Variants in ISM2 observed in about 807,000 individuals in gnomAD.
The protein encoded by ISM2 is isthmin-2.
In ISM2, 50 loss-of-function variants were observed where a neutral mutation model predicts 58.0. The ratio of observed to expected loss-of-function variants is 0.86; its 90% CI spans 0.69 to 1.09. ISM2 has a LOEUF of 1.09. Ranked by LOEUF, ISM2 falls within the 50% of genes least tolerant of loss-of-function variation. The pLI is 0.00. For synonymous variants in ISM2, 303 were observed against 312.4 expected (o/e 0.97, Z 0.32); for missense variants, 723 against 745.0 (o/e 0.97, Z 0.34).
intron 1 of ISM2, among the ~76,000 whole-genome samples, chr14:77,492,725 C>T (rs12437312): frequency 0.069 from 10,420 of 152,032 alleles, 534 homozygotes; most frequent in Admixed American, 0.16. Flanking sequence ...AAGACAGGAT[C>T]GGCCAGACAT....
At chr14:77,481,412 T>G (rs979746663) in intron 4 of ISM2, among the ~76,000 whole-genome samples, 1 of 152,220 alleles carries the variant, frequency 6.6e-6, no homozygotes, top group Non-Finnish European at 1.5e-5. Flanking sequence ...CTGAACAGTT[T>G]GTGCTGCTGT....
chr14:77,490,032 T>G (rs955276618), intron 1 of ISM2, among the ~76,000 whole-genome samples: 8 of 152,146 alleles, frequency 5.3e-5, no homozygotes, highest in Admixed American at 2.6e-4. Context: ...CCCAGCTAAT[T>G]TTTTGTATTT....
At position 77,475,442 on chromosome 14, in the gene ISM2, G is replaced by A. The variant is rs1197259580; in HGVS notation, c.*153C>T. 1.0e-5 allele frequency: 7 copies of A among 687,852 alleles called. No individual in the cohort carries two copies. Among genetic ancestry groups the A allele is most frequent in the South Asian group, 4.4e-5 (2 of 45,718 alleles). The allele number at this position is 687,852 out of a possible 1,614,324, so 42.6% of individuals were successfully genotyped here. On this transcript the variant is annotated 3_prime_UTR_variant, in exon 7 of 7. Coordinates refer to ENST00000342219, the MANE Select transcript of ISM2 (RefSeq NM_199296.3). The surrounding 1 kb of genome is among the most constrained non-coding windows in gnomAD (Gnocchi z 4.1). ...ACCCCACTGAGATATCTGCTTCGGGGTCGCTGGCAGAGGGCACACAGCCTC... is the reference window on the plus strand; with the variant it reads ...ACCCCACTGAGATATCTGCTTCGGGATCGCTGGCAGAGGGCACACAGCCTC...
rs11847662 is a variant in ISM2 at position 77,489,324 on chromosome 14, C to G, written c.142-4405G>C. Among the ~76,000 whole-genome samples, 5 of 152,196 alleles carry G rather than the reference C, an allele frequency of 3.3e-5. No individual in the cohort carries two copies. The South Asian group carries it at 1.0e-3, about 32-fold the overall frequency. On this transcript the variant is annotated intron_variant, in intron 1 of 6. Transcript: ENST00000342219. ...CAACCACACAGAGCCAGGCTGCACA[C>G]TAAGTCATGCTGGTGGGAGGTGCTG...
At chr14:77,498,289 C>T (rs1052378283) in intron 1 of ISM2, 6 of 1,330,624 alleles carry the variant, frequency 4.5e-6, no homozygotes, top group Non-Finnish European at 5.9e-6. Flanking sequence ...CTCGCACCGG[C>T]GGGACTCCTC....
chr14:77,488,298 T>C (rs1233875862), intron 1 of ISM2, among the ~76,000 whole-genome samples: 1 of 152,100 alleles, frequency 6.6e-6, no homozygotes, highest in Non-Finnish European at 1.5e-5. Context: ...CTATGGAGGC[T>C]CAGGGAGGGT....
In ISM2 at chr14:77,475,103, A is replaced by G. The variant is rs741851; in HGVS notation, c.*492T>C. The G allele has an allele frequency of 0.83, 125,651 of 150,752 alleles. 52,576 individuals carry two copies. The highest frequency in any genetic ancestry group is 0.99 in the East Asian group (5,103 of 5,178). The allele number at this position is 150,752 out of a possible 1,614,324, so 9.3% of individuals were successfully genotyped here. A position where few individuals can be genotyped will look rare whatever the true frequency, so the allele number is the denominator to read the frequency against. ...CAGAGATAAGGAGGGGTGGCCACCC[A>G]GGCTGGATGCCCCCCCCGGCAAAGG... is the stretch of plus-strand genomic sequence containing the variant. On this transcript the variant is annotated 3_prime_UTR_variant, in exon 7 of 7. Coordinates refer to ENST00000342219, the MANE Select transcript of ISM2 (RefSeq NM_199296.3). The surrounding 1 kb of genome is among the most constrained non-coding windows in gnomAD (Gnocchi z 4.1).
intron 4 of ISM2, among the ~76,000 whole-genome samples, chr14:77,479,704 G>A (rs1304702911): frequency 4.0e-5 from 6 of 151,752 alleles, no homozygotes; most frequent in South Asian, 2.1e-4. Flanking sequence ...TAGTAGAGAC[G>A]GCGTTTCACC....
chr14:77,478,099 G>C (rs1270545593), intron 6 of ISM2, 143 bp downstream of exon 6: 6 of 715,786 alleles, frequency 8.4e-6, no homozygotes, highest in Non-Finnish European at 1.5e-5. Context: ...AGGGCCCCCT[G>C]TTGGAGAAGC....
intron 1 of ISM2, chr14:77,498,409 T>C: frequency 7.9e-7 from 1 of 1,268,722 alleles, no homozygotes; most frequent in Non-Finnish European, 1.1e-6. Context: ...GAAGTCAAAC[T>C]TGTCACCCGG....
chr14:77,482,575 G>A lies in ISM2; in HGVS notation c.720C>T (p.Ser240=). ...GGAAGGACCAGAGGGCGGGCAGCCA[G>A]CTAAGGGTATCCTGGGGCGGGGGAT... ...PSNPPPQDTL[S]WLPALWSFLW... The change falls in exon 4 of 7, where the codon AGC becomes AGT. Residue 240 remains serine, a synonymous_variant. Transcript: ENST00000342219. 1 of 1,613,476 alleles carries A rather than the reference G, an allele frequency of 6.2e-7. No individual in the cohort carries two copies.
intron 1 of ISM2, among the ~76,000 whole-genome samples, chr14:77,490,871 A>G (rs908169584): frequency 2.0e-5 from 3 of 152,050 alleles, no homozygotes; most frequent in African/African-American, 7.2e-5. Flanking sequence ...TAGAGACTGA[A>G]TGGTCTGGAG....
intron 1 of ISM2, among the ~76,000 whole-genome samples, chr14:77,493,652 G>A (rs779374539): frequency 6.6e-6 from 1 of 151,604 alleles, no homozygotes; most frequent in South Asian, 2.1e-4. Flanking sequence ...AGTGGAGATG[G>A]GGTGTCTCCA....
intron 4 of ISM2, among the ~76,000 whole-genome samples, chr14:77,480,810 G>A (rs2079127693): frequency 6.6e-6 from 1 of 151,590 alleles, no homozygotes; most frequent in Non-Finnish European, 1.5e-5. Flanking sequence ...CACCTGCCTT[G>A]GCCTCCCAAA....
chr14:77,482,769 C>T, intron 3 of ISM2, 102 bp from the exon 4 acceptor site: 1 of 715,024 alleles, frequency 1.4e-6, no homozygotes, highest in Non-Finnish European at 2.3e-6. Flanking sequence ...GAGGCCCAAC[C>T]TTTCCTTCAA....
At chr14:77,483,533 G>C (rs2139960942) in intron 3 of ISM2, among the ~76,000 whole-genome samples, 1 of 148,666 alleles carries the variant, frequency 6.7e-6, no homozygotes, top group South Asian at 2.1e-4. Context: ...GTGCAACAGA[G>C]CGAGACTCCA....
At chr14:77,482,109 T>A (rs1224046635) in intron 4 of ISM2, among the ~76,000 whole-genome samples, 3 of 148,090 alleles carry the variant, frequency 2.0e-5, no homozygotes, top group Non-Finnish European at 4.5e-5. Flanking sequence ...CGAGACCCAA[T>A]CTCAAATTAA....
intron 6 of ISM2, 133 bp from the exon 7 acceptor site, chr14:77,476,245 A>G (rs968291593): frequency 2.0e-6 from 2 of 977,258 alleles, no homozygotes; most frequent in Non-Finnish European, 2.9e-6. Context: ...GTGGCTTGGT[A>G]GGGCCTTGGG....
In ISM2 at chr14:77,475,453, AG is replaced by A. The variant is rs1220575635; in HGVS notation, c.*141del. ...ATATCTGCTTCGGGGTCGCTGGCAG[AG>A]GGCACACAGCCTCGGACCAACCTCA... On this transcript the variant is annotated 3_prime_UTR_variant, in exon 7 of 7. Transcript: ENST00000342219. This position sits in a 1 kb window ranked among gnomAD's most constrained non-coding sequence, Gnocchi z 4.1. 6.7e-5 allele frequency: 53 copies of A among 792,494 alleles called. No homozygotes were observed. Among genetic ancestry groups the A allele is most frequent in the Non-Finnish European group, 9.4e-5 (48 of 512,064 alleles). 49.1% of individuals were successfully genotyped at this position (792,494 alleles called of 1,614,324 possible). A position where few individuals can be genotyped will look rare whatever the true frequency, so the allele number is the denominator to read the frequency against.
Sources: gnomAD v4.1 joint callset for allele counts (sites outside exome capture counted in the v4.1 genomes callset) on GRCh38, gnomAD v4.1.1 for gene constraint, Gnocchi (gnomAD v3.1) non-coding constraint, MANE v1.5 for transcripts, NCBI Gene and HGNC (gene_info 2026-07-23, HGNC 2026-07-21) for gene names.